KANK1: variants seen among roughly 807,000 people sequenced by gnomAD.
KANK1 encodes KN motif and ankyrin repeat domain-containing protein 1.
A neutral mutation model predicts 106.2 loss-of-function variants in KANK1; 109 were observed. The observed-to-expected ratio is 1.03, with a 90% confidence interval of 0.88 to 1.20. KANK1 has a LOEUF of 1.20. Ranked by LOEUF, KANK1 falls within the 50% of genes most tolerant of loss-of-function variation. The pLI is 0.00. For synonymous variants in KANK1, 873 were observed against 652.2 expected (o/e 1.34, Z -5.16); for missense variants, 2,399 against 1,710.7 (o/e 1.40, Z -7.10).
At chr9:615,802 A>T (rs889332418) in intron 1 of KANK1, among the ~76,000 whole-genome samples, 1 of 152,198 alleles carries the variant, frequency 6.6e-6, no homozygotes, top group African/African-American at 2.4e-5. Flanking sequence ...CCCAAGTGAT[A>T]CCTAACCTAG....
At chr9:709,465 GA>G (rs1825304414) in intron 2 of KANK1, among the ~76,000 whole-genome samples, 1 of 152,164 alleles carries the variant, frequency 6.6e-6, no homozygotes, top group African/African-American at 2.4e-5. Context: ...TTATGCTGCT[GA>G]CTTTGTCTGT....
intron 1 of KANK1, among the ~76,000 whole-genome samples, chr9:654,147 A>T (rs6477084): frequency 2.6e-5 from 4 of 151,720 alleles, no homozygotes; most frequent in African/African-American, 9.7e-5. Context: ...CACATGCAGC[A>T]GTTAACACAC....
rs1837009804 is a variant in KANK1 at position 745,751 on chromosome 9, C to CAAAAG, written c.*519_*523dup. ...TGGGCCAGACAAAGTATAAAACTTA[C>CAAAAG]AAAAGAATATTCTCATTTGGTCTTA... is the stretch of plus-strand genomic sequence containing the variant. On this transcript the variant is annotated 3_prime_UTR_variant, in exon 12 of 12. Coordinates refer to ENST00000382297, the MANE Select transcript of KANK1 (RefSeq NM_015158.5). 6.6e-6 allele frequency: 1 copy of CAAAAG among 152,622 alleles called. No individual in the cohort carries two copies. Among genetic ancestry groups the CAAAAG allele is most frequent in the South Asian group, 2.1e-4 (1 of 4,836 alleles). The allele number at this position is 152,622 out of a possible 1,614,324, so 9.5% of individuals were successfully genotyped here. A position where few individuals can be genotyped will look rare whatever the true frequency, so the allele number is the denominator to read the frequency against.
intron 3 of KANK1, among the ~76,000 whole-genome samples, chr9:714,649 C>T (rs979039025): frequency 6.6e-6 from 1 of 152,136 alleles, no homozygotes; most frequent in South Asian, 2.1e-4. Flanking sequence ...TGAGCCACCA[C>T]ACCTGGCCCG....
At chr9:660,600 C>T (rs907843818) in intron 1 of KANK1, among the ~76,000 whole-genome samples, 9 of 152,182 alleles carry the variant, frequency 5.9e-5, no homozygotes, top group African/African-American at 2.2e-4. Context: ...GTTTCAGCCA[C>T]ACCTAGACCC....
intron 7 of KANK1, among the ~76,000 whole-genome samples, chr9:735,207 A>G (rs372814899): frequency 1.3e-5 from 2 of 152,202 alleles, no homozygotes; most frequent in East Asian, 3.9e-4. Context: ...TTTTTTTTTA[A>G]GTTAGCATAT....
Position 611,919 on chromosome 9 carries a change from C to T in KANK1, c.-83-64971C>T, listed in dbSNP as rs141259546. Among the ~76,000 whole-genome samples, 695 of 152,250 alleles carry T rather than the reference C, an allele frequency of 4.6e-3. 13 individuals are homozygous for T. Among genetic ancestry groups the T allele is most frequent in the African/African-American group, 0.016 (649 of 41,532 alleles). On this transcript the variant is annotated intron_variant, in intron 1 of 11. Transcript: ENST00000382297. ...ATGTTTAGTAGAGATGGGGTTTCACCGTGTTAGCCAGGATGGTCTCGATCT... is the reference window on the plus strand; with the variant it reads ...ATGTTTAGTAGAGATGGGGTTTCACTGTGTTAGCCAGGATGGTCTCGATCT...
chr9:725,767 C>T (rs558651919), intron 3 of KANK1, among the ~76,000 whole-genome samples: 5 of 152,222 alleles, frequency 3.3e-5, no homozygotes, highest in Admixed American at 2.0e-4. Context: ...GAACTCAGAG[C>T]AGTTTTAGGG....
chr9:558,621 T>A (rs1362703503), intron 1 of KANK1, among the ~76,000 whole-genome samples: 2 of 151,726 alleles, frequency 1.3e-5, no homozygotes, highest in Non-Finnish European at 2.9e-5. Context: ...TTAAGAACAT[T>A]AGACGACACT....
intron 1 of KANK1, chr9:549,454 T>C (rs1373449376): frequency 6.6e-6 from 1 of 152,232 alleles, no homozygotes; most frequent in Non-Finnish European, 1.5e-5. Flanking sequence ...AGATGAAAGC[T>C]CCACAGTGCT....
chr9:743,174 C>G lies in KANK1; in HGVS notation c.3897+769C>G, dbSNP rs75893094. On this transcript the variant is annotated intron_variant, in intron 10 of 11. Transcript: ENST00000382297. ...TGGTTCCGTTTTTGAAAGTTTATCT[C>G]TGTGGATCACAGGTTTGGATCAGAG... 3.1e-4 allele frequency among the ~76,000 whole-genome samples: 47 copies of G among 152,342 alleles called. 1 individual carries two copies. The East Asian group carries it at 8.9e-3, about 29-fold the overall frequency.
At chr9:732,639 T>G in intron 6 of KANK1, 22 bp downstream of exon 6, 1 of 1,605,660 alleles carries the variant, frequency 6.2e-7, no homozygotes, top group Non-Finnish European at 8.5e-7. Context: ...TCCCCTTCCC[T>G]CCCTTGCCCC....
At chr9:727,068 A>G (rs1196857837) in intron 3 of KANK1, among the ~76,000 whole-genome samples, 1 of 152,244 alleles carries the variant, frequency 6.6e-6, no homozygotes, top group Non-Finnish European at 1.5e-5. Flanking sequence ...ATATTCTCCT[A>G]TATCAAGATT....
rs1404498485 is a variant in KANK1 at position 608,061 on chromosome 9, C to T, written c.-83-68829C>T. Among the ~76,000 whole-genome samples, 29 of 123,576 alleles carry T rather than the reference C, an allele frequency of 2.3e-4. 1 individual carries two copies. The highest frequency in any genetic ancestry group is 8.0e-4 in the African/African-American group (24 of 29,984). 81.1% of individuals were successfully genotyped at this position (123,576 alleles called of 152,430 possible). On this transcript the variant is annotated intron_variant, in intron 1 of 11. Coordinates refer to ENST00000382297, the MANE Select transcript of KANK1 (RefSeq NM_015158.5). ...TTTTTTTTTTTTTGAGACGGAGTCT[C>T]GCTCTGTCGCCCAGGCCGGACTGCG...
At chr9:591,759 A>G (rs1349111527) in intron 1 of KANK1, among the ~76,000 whole-genome samples, 1 of 151,712 alleles carries the variant, frequency 6.6e-6, no homozygotes, top group South Asian at 2.1e-4. Flanking sequence ...CCTGGGTTCA[A>G]GTGATTCTCC....
At chr9:630,119 G>A (rs1323378427) in intron 1 of KANK1, among the ~76,000 whole-genome samples, 1 of 152,018 alleles carries the variant, frequency 6.6e-6, no homozygotes, top group African/African-American at 2.4e-5. Flanking sequence ...GTGGTGGCAT[G>A]TGCCTATAGT....
chr9:611,856 T>C (rs895042035), intron 1 of KANK1, among the ~76,000 whole-genome samples: 1 of 152,122 alleles, frequency 6.6e-6, no homozygotes, highest in Non-Finnish European at 1.5e-5. Flanking sequence ...GTAGCTGGGA[T>C]TACAGGCGCA....
Position 711,269 on chromosome 9 carries a change from A to G in KANK1, c.503A>G (p.Glu168Gly), listed in dbSNP as rs1457583762. Residue 168 changes from glutamate to glycine, a missense_variant, in exon 3 of 12, where the codon GAG becomes GGG. By Grantham distance (98) the Glu-to-Gly change is moderately conservative. Transcript: ENST00000382297. ...LMETRRRLEQ[E>G]RATMQMTPGE... The stretch of plus-strand genomic sequence containing the variant: ...GAGACCCGGAGAAGACTGGAACAGG[A>G]GAGAGCCACCATGCAGATGACACCG... 6.2e-7 allele frequency: 1 copy of G among 1,614,134 alleles called. No individual in the cohort carries two copies. Among genetic ancestry groups the G allele is most frequent in the Admixed American group, 1.7e-5 (1 of 60,020 alleles).
intron 1 of KANK1, among the ~76,000 whole-genome samples, chr9:642,426 C>G (rs937141635): frequency 6.6e-6 from 1 of 151,012 alleles, no homozygotes; most frequent in Non-Finnish European, 1.5e-5. Flanking sequence ...TACACTTGAA[C>G]AAACTAAAAA....
Sources: allele counts gnomAD v4.1 joint callset (sites outside exome capture counted in the v4.1 genomes callset), GRCh38; gene constraint gnomAD v4.1.1; transcripts MANE v1.5; gene names NCBI Gene and HGNC (gene_info 2026-07-23, HGNC 2026-07-21).